The following LRRC4C variants were observed in gnomAD, a reference collection of about 807,000 sequenced individuals.
LRRC4C encodes the protein leucine-rich repeat-containing protein 4C.
A neutral mutation model predicts 33.6 loss-of-function variants in LRRC4C; 5 were observed. The ratio of observed to expected loss-of-function variants is 0.15; its 90% CI spans 0.08 to 0.31. LRRC4C has a LOEUF of 0.31. LRRC4C is among the 10% of genes least tolerant of loss of function. The pLI, the probability that LRRC4C is intolerant of heterozygous loss-of-function variation, is 1.00. For synonymous variants in LRRC4C, 329 were observed against 302.0 expected, an observed-to-expected ratio of 1.09 and a Z score of -0.93; for missense variants, 560 against 796.7, an observed-to-expected ratio of 0.70 and a Z score of 3.58.
intron 2 of LRRC4C, among the ~76,000 whole-genome samples, chr11:40,898,614 A>G (rs1956073259): frequency 2.6e-5 from 4 of 152,102 alleles, no homozygotes; most frequent in African/African-American, 9.7e-5. Context: ...ACTAGAAACT[A>G]TAGATACATC....
At chr11:40,872,416 C>A (rs931685714) in intron 2 of LRRC4C, among the ~76,000 whole-genome samples, 2 of 151,904 alleles carry the variant, frequency 1.3e-5, no homozygotes, top group Non-Finnish European at 2.9e-5. Context: ...AAAGTCGAAG[C>A]AAAATAATTC....
intron 4 of LRRC4C, among the ~76,000 whole-genome samples, chr11:40,285,773 A>C (rs1208030675): frequency 6.6e-6 from 1 of 152,180 alleles, no homozygotes; most frequent in African/African-American, 2.4e-5. Flanking sequence ...ATTCAGATTG[A>C]GTACCTGGTT....
intron 1 of LRRC4C, among the ~76,000 whole-genome samples, chr11:41,250,385 C>T (rs1238822420): frequency 2.6e-5 from 4 of 152,292 alleles, no homozygotes; most frequent in African/African-American, 9.6e-5. Flanking sequence ...ACTGGCAAGA[C>T]GATCTCAGCA....
intron 1 of LRRC4C, among the ~76,000 whole-genome samples, chr11:41,407,034 T>C (rs1297629372): frequency 6.6e-6 from 1 of 152,204 alleles, no homozygotes; most frequent in African/African-American, 2.4e-5. Context: ...TCAGTGTTTT[T>C]CTAATATACA....
chr11:41,434,215 A>G (rs1403175321), intron 1 of LRRC4C, among the ~76,000 whole-genome samples: 1 of 152,164 alleles, frequency 6.6e-6, no homozygotes, highest in East Asian at 1.9e-4. Flanking sequence ...AAATTTGGAA[A>G]GCACTGCCAC....
intron 2 of LRRC4C, among the ~76,000 whole-genome samples, chr11:40,655,418 G>C (rs1204008757): frequency 6.6e-6 from 1 of 152,090 alleles, no homozygotes; most frequent in Non-Finnish European, 1.5e-5. Flanking sequence ...TAATTTATCT[G>C]GTTAATAAAT....
intron 3 of LRRC4C, among the ~76,000 whole-genome samples, chr11:40,569,301 T>C (rs1030777185): frequency 5.3e-5 from 8 of 152,124 alleles, no homozygotes; most frequent in Non-Finnish European, 1.0e-4. Context: ...ATGTGATTAT[T>C]TGAGATGAAG....
At position 40,844,202 on chromosome 11, in the gene LRRC4C, A is replaced by T. The variant is rs145949274; in HGVS notation, c.-407+89433T>A. Among the ~76,000 whole-genome samples, 437 of 152,114 alleles carry T rather than the reference A, an allele frequency of 2.9e-3. 3 individuals carry two copies. The highest frequency in any genetic ancestry group is 0.01 in the African/African-American group (419 of 41,512). On this transcript the variant is annotated intron_variant, in intron 2 of 6. Coordinates refer to ENST00000528697, the MANE Select transcript of LRRC4C (RefSeq NM_001258419.2). The stretch of plus-strand genomic sequence containing the variant: ...ATGTATACGTATGTAACTAACCTGC[A>T]CGTTGTGCACATGTACCCTTAAACT...
At chr11:40,701,386 A>C (rs995789013) in intron 2 of LRRC4C, among the ~76,000 whole-genome samples, 11 of 152,068 alleles carry the variant, frequency 7.2e-5, no homozygotes, top group Admixed American at 3.3e-4. Flanking sequence ...ATAGATACTA[A>C]TGTTTAACAA....
chr11:40,389,257 A>G (rs1425984923), intron 3 of LRRC4C, among the ~76,000 whole-genome samples: 1 of 152,178 alleles, frequency 6.6e-6, no homozygotes, highest in African/African-American at 2.4e-5. Flanking sequence ...AGTGATAGAG[A>G]TATCTTAGGG....
intron 3 of LRRC4C, among the ~76,000 whole-genome samples, chr11:40,457,126 A>T (rs576097415): frequency 6.6e-6 from 1 of 151,222 alleles, no homozygotes; most frequent in Non-Finnish European, 1.5e-5. Context: ...GAAAAAAAAA[A>T]CAGTTACTTG....
At chr11:40,829,493 T>A (rs1952312907) in intron 2 of LRRC4C, among the ~76,000 whole-genome samples, 1 of 152,034 alleles carries the variant, frequency 6.6e-6, no homozygotes, top group African/African-American at 2.4e-5. Context: ...TATTTGTTCT[T>A]GAATATAGCT....
At chr11:40,770,253 C>T (rs904259373) in intron 2 of LRRC4C, among the ~76,000 whole-genome samples, 1 of 152,108 alleles carries the variant, frequency 6.6e-6, no homozygotes, top group Non-Finnish European at 1.5e-5. Context: ...CAAACACATG[C>T]TTTTTCATAT....
chr11:41,316,279 A>AAAAAAAAAAAAAAAAAAAAAAAAAG (rs1555145089), intron 1 of LRRC4C, among the ~76,000 whole-genome samples: 1 of 147,084 alleles, frequency 6.8e-6, no homozygotes, highest in African/African-American at 2.5e-5. Context: ...AAAAAAAAAA[A>AAAAAAAAAAAAAAAAAAAAAAAAAG]CAAAAAAAAA....
chr11:40,397,179 C>A (rs1013342996), intron 3 of LRRC4C, among the ~76,000 whole-genome samples: 1 of 152,020 alleles, frequency 6.6e-6, no homozygotes, highest in Non-Finnish European at 1.5e-5. Flanking sequence ...CCTACCCAAT[C>A]TCTGGAAACA....
In LRRC4C at chr11:41,176,069, G is replaced by A. The variant is rs149224970; in HGVS notation, c.-495-242346C>T. On this transcript the variant is annotated intron_variant, in intron 1 of 6. Transcript: ENST00000528697. ...ACTGCACCTTTAACTGTCCATCTTCGCCAACTAAAACTAAAAGTCATTATA... is the reference window on the plus strand; with the variant it reads ...ACTGCACCTTTAACTGTCCATCTTCACCAACTAAAACTAAAAGTCATTATA... 2.7e-3 allele frequency among the ~76,000 whole-genome samples: 412 copies of A among 151,596 alleles called. 1 individual carries two copies. Among genetic ancestry groups the A allele is most frequent in the South Asian group, 0.016 (78 of 4,780 alleles).
chr11:40,829,246 A>G (rs1952301998), intron 2 of LRRC4C, among the ~76,000 whole-genome samples: 1 of 152,022 alleles, frequency 6.6e-6, no homozygotes, highest in Non-Finnish European at 1.5e-5. Flanking sequence ...AGGATGGGAA[A>G]AAAATTGAAA....
intron 1 of LRRC4C, among the ~76,000 whole-genome samples, chr11:41,253,718 T>G (rs1202847697): frequency 6.6e-6 from 1 of 152,132 alleles, no homozygotes; most frequent in African/African-American, 2.4e-5. Context: ...CTGTAATATC[T>G]TATGATTCTA....
chr11:40,541,119 T>A (rs936966341), intron 3 of LRRC4C, among the ~76,000 whole-genome samples: 1 of 152,186 alleles, frequency 6.6e-6, no homozygotes, highest in African/African-American at 2.4e-5. Context: ...TAATTACTAA[T>A]GTTACAGAAT....
Sources: allele counts gnomAD v4.1 joint callset (sites outside exome capture counted in the v4.1 genomes callset), GRCh38; gene constraint gnomAD v4.1.1; transcripts MANE v1.5; gene names NCBI Gene and HGNC (gene_info 2026-07-23, HGNC 2026-07-21).